The following GPR174 variants were observed in gnomAD, a reference collection of about 807,000 sequenced individuals.
GPR174 encodes probable G protein-coupled receptor 174.
In GPR174, 8 loss-of-function variants were observed where a neutral mutation model predicts 16.5. The observed-to-expected ratio is 0.48, with a 90% CI of 0.28 to 0.87. GPR174 has a LOEUF of 0.87. GPR174 is among the 40% of genes least tolerant of loss of function. The pLI, the probability that GPR174 is intolerant of heterozygous loss-of-function variation, is 0.09. For synonymous variants in GPR174, 111 were observed against 94.8 expected (o/e 1.17, Z -0.99); for missense variants, 214 against 247.5 (o/e 0.86, Z 0.91).
rs868097202 is a variant in GPR174, at chrX:79,172,082, G to A, written c.*73G>A. ...CATATCTGCAATACCCAAGCCACAG[G>A]GAAGAACTTGCAAAACAACACAGCT... On this transcript the variant is annotated 3_prime_UTR_variant, in exon 3 of 3. Transcript: ENST00000645147. 1 of 1,026,600 alleles carries A rather than the reference G, an allele frequency of 9.7e-7. No individual in the cohort carries two copies. Among genetic ancestry groups the A allele is most frequent in the East Asian group, 3.1e-5 (1 of 32,404 alleles). 84.6% of individuals were successfully genotyped at this position (1,026,600 alleles called of 1,213,427 possible).
At position 79,174,707 on chromosome X, in the gene GPR174, C is replaced by T. The variant is rs1921600387; in HGVS notation, c.*2698C>T. ...CTTTTCATTTTGCCTCTCTCCTTTCCTACGTTGGGCCTGATTTTCAGGGGA... is the reference window on the plus strand; with the variant it reads ...CTTTTCATTTTGCCTCTCTCCTTTCTTACGTTGGGCCTGATTTTCAGGGGA... On this transcript the variant is annotated 3_prime_UTR_variant, in exon 3 of 3. Transcript: ENST00000645147. 9.0e-6 allele frequency: 1 copy of T among 111,163 alleles called. No individual in the cohort carries two copies. Among genetic ancestry groups the T allele is most frequent in the Non-Finnish European group, 1.9e-5 (1 of 52,990 alleles). 9.2% of individuals were successfully genotyped at this position (111,163 alleles called of 1,213,427 possible).
intron 2 of GPR174, among the ~76,000 whole-genome samples, 163 bp from the exon 3 acceptor site, chrX:79,170,289 G>A (rs755762061): frequency 8.1e-5 from 9 of 110,496 alleles, no homozygotes; most frequent in Non-Finnish European, 1.5e-4. Flanking sequence ...TTCAAGCTAT[G>A]TTTTTCTGTG....
At chrX:79,164,107 C>A (rs5912230) in intron 2 of GPR174, among the ~76,000 whole-genome samples, 1 of 109,652 alleles carries the variant, frequency 9.1e-6, no homozygotes, top group South Asian at 4.0e-4. Context: ...TTAGAGTAGA[C>A]TGAGCTCCAA....
At position 79,171,047 on chromosome X, in the gene GPR174, A is replaced by G. The variant is rs761559228; in HGVS notation, c.40A>G (p.Asn14Asp). The change falls in exon 3 of 3, where the codon AAT (asparagine) becomes GAT (aspartate). Residue 14 changes from asparagine (N) to aspartate (D), a missense_variant. Physicochemically the swap from Asn to Asp is conservative, Grantham distance 23. Coordinates refer to ENST00000645147, the MANE Select transcript of GPR174 (RefSeq NM_032553.3). ...NYTCTRPDGD[N>D]TDFRYFIYAV... ...CACGTGTACCAGGCCAGATGGAGAC[A>G]ATACAGATTTTCGATACTTTATTTA... The G allele has an allele frequency of 1.7e-6, 2 of 1,207,102 alleles. No homozygotes were observed. Among genetic ancestry groups the G allele is most frequent in the Non-Finnish European group, 2.2e-6 (2 of 892,623 alleles).
Position 79,171,143 on chromosome X carries a change from G to T in GPR174, c.136G>T (p.Gly46Cys). 8.3e-7 allele frequency: 1 copy of T among 1,207,109 alleles called. No individual in the cohort carries two copies. The highest frequency in any genetic ancestry group is 1.1e-6 in the Non-Finnish European group (1 of 892,666). Residue 46 changes from glycine (G) to cysteine (C), a missense_variant, in exon 3 of 3, where the codon GGT (glycine) becomes TGT (cysteine). Coordinates refer to ENST00000645147, the MANE Select transcript of GPR174 (RefSeq NM_032553.3). ...TATATTAGCCCTGTGGGTATTCTAT[G>T]GTTATATGAAAGAAACAAAACGAGC... ...GNILALWVFY[G>C]YMKETKRAVI...
At chrX:79,150,755 G>A (rs182135149) in intron 1 of GPR174, among the ~76,000 whole-genome samples, 27 of 112,003 alleles carry the variant, frequency 2.4e-4, no homozygotes, top group East Asian at 2.8e-4. Context: ...AGTCTCACTC[G>A]TAAGCATAAT....
chrX:79,171,899 G>A lies in GPR174; in HGVS notation c.892G>A (p.Glu298Lys). ...DPVIYYFSTN[E>K]FRRRLSRQDL... is the part of the protein sequence containing the mutation. The stretch of plus-strand genomic sequence containing the variant: ...AGTCATATACTACTTTTCCACTAAT[G>A]AGTTCCGAAGACGGCTTTCAAGACA... The change falls in exon 3 of 3, where the codon GAG becomes AAG. Residue 298 changes from glutamate to lysine, a missense_variant. Glu to Lys is a moderately conservative substitution (Grantham distance 56). Coordinates refer to ENST00000645147, the MANE Select transcript of GPR174 (RefSeq NM_032553.3). 1.7e-6 allele frequency: 2 copies of A among 1,210,676 alleles called. No homozygotes were observed. Among genetic ancestry groups the A allele is most frequent in the Non-Finnish European group, 2.2e-6 (2 of 895,063 alleles).
chrX:79,145,973 A>G (rs1318057227), intron 1 of GPR174, among the ~76,000 whole-genome samples: 1 of 112,119 alleles, frequency 8.9e-6, no homozygotes, highest in Admixed American at 9.5e-5. Context: ...TTTTGAATTT[A>G]ATTTACATTT....
Position 79,144,998 on chromosome X carries a change from CTCTCTCTCTTTCTTTCT to C in GPR174, c.-871_-855del, listed in dbSNP as rs1227732999. 7.0e-5 allele frequency: 2 copies of C among 28,433 alleles called. No individual in the cohort carries two copies. The highest frequency in any genetic ancestry group is 1.1e-4 in the African/African-American group (1 of 9,251). The allele number at this position is 28,433 out of a possible 1,213,427, so 2.3% of individuals were successfully genotyped here. A position where few individuals can be genotyped will look rare whatever the true frequency, so the allele number is the denominator to read the frequency against. ...TTTCTTTTTCTTTCTTTCTTTCTCT[CTCTCTCTCTTTCTTTCT>C]TTCTTTCTTTCTTTCTTTCTTTCTT... is the stretch of plus-strand genomic sequence containing the variant. On this transcript the variant is annotated 5_prime_UTR_variant, in exon 1 of 3. Coordinates refer to ENST00000645147, the MANE Select transcript of GPR174 (RefSeq NM_032553.3).
chrX:79,151,808 C>G (rs1314239689), intron 1 of GPR174, among the ~76,000 whole-genome samples: 1 of 111,754 alleles, frequency 8.9e-6, no homozygotes, highest in Non-Finnish European at 1.9e-5. Flanking sequence ...ATAACCCCTG[C>G]CCTCTTAGAG....
chrX:79,147,211 A>T, intron 1 of GPR174, among the ~76,000 whole-genome samples: 1 of 111,359 alleles, frequency 9.0e-6, no homozygotes, highest in Middle Eastern at 4.7e-3. Flanking sequence ...GACTGGGTCA[A>T]GTATCTCTGT....
rs1312621216 is a variant in GPR174, at chrX:79,171,948, T to C, written c.941T>C (p.Leu314Pro). The C allele has an allele frequency of 8.3e-7, 1 of 1,208,434 alleles. No individual in the cohort carries two copies. Among genetic ancestry groups the C allele is most frequent in the East Asian group, 3.0e-5 (1 of 33,814 alleles). ...SRQDLHDSIQ[L>P]HAKSFVSNHT... ...CAAGATTTGCATGACAGCATCCAAC[T>C]CCATGCAAAATCCTTTGTGAGTAAC... Residue 314 changes from leucine to proline, a missense_variant, in exon 3 of 3, where the codon CTC becomes CCC. By Grantham distance (98) the Leu-to-Pro change is moderately conservative. Transcript: ENST00000645147.
Position 79,168,459 on chromosome X carries a change from G to A in GPR174, c.-556-1993G>A, listed in dbSNP as rs775246678. 1.5e-3 allele frequency among the ~76,000 whole-genome samples: 162 copies of A among 111,256 alleles called. 2 individuals are homozygous for A. The highest frequency in any genetic ancestry group is 5.0e-3 in the African/African-American group (153 of 30,591). The stretch of plus-strand genomic sequence containing the variant: ...GCTGGGCACAATCCCAACACTTTGG[G>A]ATGCTGAGACAGGAGCATCTTTTAA... On this transcript the variant is annotated intron_variant, in intron 2 of 2. Transcript: ENST00000645147.
intron 1 of GPR174, among the ~76,000 whole-genome samples, chrX:79,156,472 T>G (rs1921101571): frequency 8.9e-6 from 1 of 112,073 alleles, no homozygotes; most frequent in Admixed American, 9.5e-5. Flanking sequence ...CTTTTACCCT[T>G]CAACTGTATT....
intron 2 of GPR174, among the ~76,000 whole-genome samples, chrX:79,169,993 A>T (rs747534576): frequency 8.9e-6 from 1 of 112,250 alleles, no homozygotes; most frequent in African/African-American, 3.2e-5. Context: ...GTACCCCATG[A>T]ATACTCAATC....
Position 79,145,000 on chromosome X carries a change from CTCTCTCTTTCTTTCTTTCTTTCTT to C in GPR174, c.-867_-844del, listed in dbSNP as rs1163106588. ...TCTTTTTCTTTCTTTCTTTCTCTCT[CTCTCTCTTTCTTTCTTTCTTTCTT>C]TCTTTCTTTCTTTCTTTCTTTCTTT... On this transcript the variant is annotated 5_prime_UTR_variant, in exon 1 of 3. Coordinates refer to ENST00000645147, the MANE Select transcript of GPR174 (RefSeq NM_032553.3). The C allele has an allele frequency of 5.4e-4, 18 of 33,544 alleles. No individual in the cohort carries two copies. The highest frequency in any genetic ancestry group is 1.8e-3 in the East Asian group (2 of 1,091). 2.8% of individuals were successfully genotyped at this position (33,544 alleles called of 1,213,427 possible).
rs1366924610 is a variant in GPR174, at chrX:79,173,850, G to A, written c.*1841G>A. On this transcript the variant is annotated 3_prime_UTR_variant, in exon 3 of 3. Coordinates refer to ENST00000645147, the MANE Select transcript of GPR174 (RefSeq NM_032553.3). ...TATTTTAAATAGGGCATCTATAACT[G>A]TGTCTTGTCTCTTTGCTTTAAAGTG... 1.8e-5 allele frequency: 2 copies of A among 112,098 alleles called. No homozygotes were observed. The highest frequency in any genetic ancestry group is 6.5e-5 in the African/African-American group (2 of 30,910). The allele number at this position is 112,098 out of a possible 1,213,427, so 9.2% of individuals were successfully genotyped here. A position where few individuals can be genotyped will look rare whatever the true frequency, so the allele number is the denominator to read the frequency against.
Position 79,171,275 on chromosome X carries a change from C to G in GPR174, c.268C>G (p.Leu90Val), listed in dbSNP as rs1232904488. 1 of 1,211,442 alleles carries G rather than the reference C, an allele frequency of 8.3e-7. No homozygotes were observed. Among genetic ancestry groups the G allele is most frequent in the East Asian group, 3.0e-5 (1 of 33,824 alleles). The change falls in exon 3 of 3, where the codon CTC becomes GTC. Residue 90 changes from leucine to valine, a missense_variant. Coordinates refer to ENST00000645147, the MANE Select transcript of GPR174 (RefSeq NM_032553.3). ...LNHDWPFGPG[L>V]CMFCFYLKYV... is the part of the protein sequence containing the mutation. ...TCATGACTGGCCATTTGGGCCTGGTCTCTGCATGTTCTGTTTCTACCTGAA... is the reference window on the plus strand; with the variant it reads ...TCATGACTGGCCATTTGGGCCTGGTGTCTGCATGTTCTGTTTCTACCTGAA...
intron 1 of GPR174, among the ~76,000 whole-genome samples, chrX:79,156,214 A>G (rs1487767780): frequency 4.5e-5 from 5 of 111,880 alleles, no homozygotes; most frequent in Admixed American, 3.8e-4. Context: ...TCATTAGGTA[A>G]AGCAGAGCAG....
Sources: allele counts gnomAD v4.1 joint callset (sites outside exome capture counted in the v4.1 genomes callset), GRCh38; gene constraint gnomAD v4.1.1; transcripts MANE v1.5; gene names NCBI Gene and HGNC (gene_info 2026-07-23, HGNC 2026-07-21).